The following TUT1 variants were observed in gnomAD, a reference collection of about 807,000 sequenced individuals.
TUT1 encodes speckle targeted PIP5K1A-regulated poly(A) polymerase.
A neutral mutation model predicts 48.8 loss-of-function variants in TUT1; 26 were observed. The ratio of observed to expected loss-of-function variants is 0.53; its 90% CI spans 0.39 to 0.74. The LOEUF is 0.74. TUT1 is among the 30% of genes least tolerant of loss of function. The probability of loss-of-function intolerance (pLI) is 0.00; values close to 1 mark genes in which losing one functional copy is unlikely to be tolerated. For synonymous variants in TUT1, 470 were observed against 460.8 expected, an observed-to-expected ratio of 1.02 and a Z score of -0.26; for missense variants, 1,065 against 1,114.8, an observed-to-expected ratio of 0.96 and a Z score of 0.64.
At position 62,576,732 on chromosome 11, in the gene TUT1, C is replaced by G; in HGVS notation, c.1399G>C (p.Glu467Gln). The change falls in exon 8 of 9, where the codon GAA (glutamate) becomes CAA (glutamine). Residue 467 changes from glutamate to glutamine, a missense_variant. Coordinates refer to ENST00000476907, the MANE Select transcript of TUT1 (RefSeq NM_022830.3). ...TQKAGEGEQVEVDGWDCSFPR... is the reference protein window; with the variant it reads ...TQKAGEGEQVQVDGWDCSFPR... ...AAACTGCAGTCCCAGCCATCGACTT[C>G]CACCTGTTCCCCCTCTCCTGTGAAA... is the stretch of plus-strand genomic sequence containing the variant. 1 of 1,614,180 alleles carries G rather than the reference C, an allele frequency of 6.2e-7. No homozygotes were observed. The highest frequency in any genetic ancestry group is 8.5e-7 in the Non-Finnish European group (1 of 1,180,042).
chr11:62,580,576 T>C (rs572387685), intron 4 of TUT1, among the ~76,000 whole-genome samples: 123 of 151,412 alleles, frequency 8.1e-4, no homozygotes, highest in Middle Eastern at 3.5e-3. Flanking sequence ...TTTTTTGTTA[T>C]GACTGCCAGG....
intron 2 of TUT1, among the ~76,000 whole-genome samples, chr11:62,586,542 G>A (rs958092853): frequency 1.3e-5 from 2 of 152,162 alleles, no homozygotes; most frequent in African/African-American, 2.4e-5. Context: ...AGTTTGCGTG[G>A]CTGAGGTGGG....
intron 5 of TUT1, among the ~76,000 whole-genome samples, chr11:62,578,063 CAAAAAA>C (rs200086998): frequency 1.0e-3 from 107 of 107,056 alleles, no homozygotes; most frequent in South Asian, 2.3e-3. Flanking sequence ...CTCCGTCTCA[CAAAAAA>C]AAAAAAAAAA....
chr11:62,588,693 G>C (rs1941957646), intron 2 of TUT1, among the ~76,000 whole-genome samples: 2 of 152,132 alleles, frequency 1.3e-5, no homozygotes, highest in Admixed American at 6.6e-5. Context: ...CAGCACATCT[G>C]ATTCATTCTT....
At chr11:62,577,145 C>G (rs769763104) in intron 6 of TUT1, 37 bp downstream of exon 6, 2 of 1,601,020 alleles carry the variant, frequency 1.2e-6, no homozygotes, top group Non-Finnish European at 1.7e-6. Context: ...TGTCCTGAGA[C>G]CAACTCAGCC....
chr11:62,580,651 G>A (rs1487066617), intron 4 of TUT1, among the ~76,000 whole-genome samples: 2 of 127,146 alleles, frequency 1.6e-5, no homozygotes, highest in African/African-American at 6.2e-5. Context: ...CACCCAGGCT[G>A]GAGTGTAGTG....
chr11:62,581,781 G>A, intron 2 of TUT1, 80 bp from the exon 3 acceptor site: 2 of 1,157,396 alleles, frequency 1.7e-6, no homozygotes, highest in South Asian at 4.4e-5. Flanking sequence ...GAGAATATTT[G>A]AAATGGAGAC....
rs112740209 is a variant in TUT1, at chr11:62,576,540, T to C, written c.1474+117A>G. ...CATCTGTAAAATGGCAGTAATAATA[T>C]TAGGTATCTCACAGGCTTTCTGTGA... On this transcript the variant is annotated intron_variant, in intron 8 of 8. Transcript: ENST00000476907. 4.5e-5 allele frequency: 42 copies of C among 926,720 alleles called. 1 individual carries two copies. In the African/African-American group the frequency reaches 5.0e-4, roughly 11 times the overall value. 57.4% of individuals were successfully genotyped at this position (926,720 alleles called of 1,614,324 possible).
At chr11:62,585,767 C>A (rs375242596) in intron 2 of TUT1, among the ~76,000 whole-genome samples, 22 of 152,160 alleles carry the variant, frequency 1.4e-4, no homozygotes, top group South Asian at 6.2e-4. Flanking sequence ...CCACTGCACT[C>A]CAGCCTGGGA....
intron 8 of TUT1, 54 bp downstream of exon 8, chr11:62,576,603 A>T (rs1941732462): frequency 6.9e-7 from 1 of 1,456,102 alleles, no homozygotes; most frequent in Admixed American, 1.7e-5. Flanking sequence ...GATATATGTT[A>T]CCTACTGTTG....
At position 62,581,660 on chromosome 11, in the gene TUT1, T is replaced by G; in HGVS notation, c.315A>C (p.Arg105=). 1 of 1,504,636 alleles carries G rather than the reference T, an allele frequency of 6.6e-7. No individual in the cohort carries two copies. The highest frequency in any genetic ancestry group is 8.9e-7 in the Non-Finnish European group (1 of 1,125,644). The allele number at this position is 1,504,636 out of a possible 1,614,324, so 93.2% of individuals were successfully genotyped here. Reference sequence around the variant, plus strand: ...GCTGGGACTGTGACAAGACAGCCTCTCGAGCACCCACGTCCCCCATCTCCA... The same window carrying G: ...GCTGGGACTGTGACAAGACAGCCTCGCGAGCACCCACGTCCCCCATCTCCA... ...AIVEMGDVGA[R]EAVLSQSQHS... is the part of the protein sequence containing the mutation. Residue 105 remains arginine (R), a synonymous_variant, in exon 3 of 9, where the codon CGA becomes CGC. Coordinates refer to ENST00000476907, the MANE Select transcript of TUT1 (RefSeq NM_022830.3).
At position 62,579,014 on chromosome 11, in the gene TUT1, GGAGCCTTTGGGACT is replaced by G. The variant is rs1395381044; in HGVS notation, c.693_706del (p.Val232ArgfsTer38). 2.6e-6 allele frequency: 4 copies of G among 1,512,930 alleles called. No individual in the cohort carries two copies. The African/African-American group carries it at 5.6e-5, about 21-fold the overall frequency. 93.7% of individuals were successfully genotyped at this position (1,512,930 alleles called of 1,614,324 possible). A position where few individuals can be genotyped will look rare whatever the true frequency, so the allele number is the denominator to read the frequency against. On this transcript the variant is annotated frameshift_variant and splice_region_variant, in exon 5 of 9. Coordinates refer to ENST00000476907, the MANE Select transcript of TUT1 (RefSeq NM_022830.3). LOFTEE classifies it high-confidence loss of function. ...GGCCGAGTCCAGCGATGGAGATTCT[GGAGCCTTTGGGACT>G]GGCTGTGGACAGAAATGAACTGAGT...
chr11:62,580,319 G>C (rs1471451678), intron 4 of TUT1, among the ~76,000 whole-genome samples: 1 of 151,738 alleles, frequency 6.6e-6, no homozygotes, highest in East Asian at 2.0e-4. Context: ...AATTAGCCAG[G>C]CATGGTGGCG....
intron 2 of TUT1, among the ~76,000 whole-genome samples, chr11:62,586,784 C>T (rs1399449892): frequency 6.8e-6 from 1 of 147,112 alleles, no homozygotes; most frequent in Non-Finnish European, 1.5e-5. Flanking sequence ...GGTGTGGTGG[C>T]ACGCGCCTGC....
intron 5 of TUT1, 36 bp from the exon 6 acceptor site, chr11:62,577,327 G>T: frequency 6.4e-7 from 1 of 1,555,880 alleles, no homozygotes; most frequent in Non-Finnish European, 8.8e-7. Context: ...TTAGCGCTTG[G>T]GGATGTCAGA....
At position 62,575,582 on chromosome 11, in the gene TUT1, C is replaced by T. The variant is rs191258788; in HGVS notation, c.2137G>A (p.Asp713Asn). ...TGCTTTCCAGTGGTCAGGGGCAGGT[C>T]CCCTGGCTGCCCAGGGCTCTGCATG... ...WAMQSPGQPG[D>N]LPLTTGKHGA... Residue 713 changes from aspartate to asparagine, a missense_variant, in exon 9 of 9, where the codon GAC becomes AAC. Asp to Asn is a conservative substitution (Grantham distance 23, BLOSUM62 1). Coordinates refer to ENST00000476907, the MANE Select transcript of TUT1 (RefSeq NM_022830.3). 2 of 1,614,108 alleles carry T rather than the reference C, an allele frequency of 1.2e-6. No homozygotes were observed. The highest frequency in any genetic ancestry group is 1.7e-6 in the Non-Finnish European group (2 of 1,180,014).
Position 62,591,520 on chromosome 11 carries a change from C to T in TUT1, c.-35G>A, listed in dbSNP as rs767886753. On this transcript the variant is annotated 5_prime_UTR_variant, in exon 1 of 9. Coordinates refer to ENST00000476907, the MANE Select transcript of TUT1 (RefSeq NM_022830.3). ...CCTGTACCGACAAAAACACAAGCAC[C>T]TCTGCCACCACCGGAACCCACTTCG... 3.0e-5 allele frequency: 49 copies of T among 1,613,472 alleles called. No homozygotes were observed. The highest frequency in any genetic ancestry group is 3.9e-5 in the Non-Finnish European group (46 of 1,179,804).
intron 2 of TUT1, chr11:62,582,681 C>A (rs1941850134): frequency 2.4e-6 from 1 of 424,184 alleles, no homozygotes; most frequent in South Asian, 1.7e-5. Context: ...CTAAAAACCT[C>A]ATTTTATCTA....
intron 1 of TUT1, among the ~76,000 whole-genome samples, chr11:62,590,437 C>T (rs1941991465): frequency 6.6e-6 from 1 of 151,896 alleles, no homozygotes; most frequent in South Asian, 2.1e-4. Context: ...GAGATCGAGA[C>T]CATCCTGACT....
Sources: gnomAD v4.1 joint callset for allele counts (sites outside exome capture counted in the v4.1 genomes callset) on GRCh38, gnomAD v4.1.1 for gene constraint, MANE v1.5 for transcripts, NCBI Gene and HGNC (gene_info 2026-07-23, HGNC 2026-07-21) for gene names.